SLC2A13: variants seen among roughly 807,000 people sequenced by gnomAD.
The protein encoded by SLC2A13 is proton myo-inositol cotransporter.
SLC2A13 carries 32 observed loss-of-function variants against 64.4 expected under a neutral mutation model. The ratio of observed to expected loss-of-function variants is 0.50; its 90% confidence interval spans 0.37 to 0.67. The LOEUF is 0.67. Ranked by LOEUF, SLC2A13 falls within the 30% of genes least tolerant of loss-of-function variation. The pLI is 0.00. For missense variants in SLC2A13, 743 were observed against 829.2 expected, an observed-to-expected ratio of 0.90 and a Z score of 1.28; for synonymous variants, 338 against 327.1, an observed-to-expected ratio of 1.03 and a Z score of -0.36.
At chr12:39,919,280 T>G (rs1432944944) in intron 4 of SLC2A13, among the ~76,000 whole-genome samples, 1 of 152,138 alleles carries the variant, frequency 6.6e-6, no homozygotes, top group Non-Finnish European at 1.5e-5. Context: ...GTGGTAAACA[T>G]TCTTCTTGGC....
intron 3 of SLC2A13, among the ~76,000 whole-genome samples, chr12:40,013,377 C>A (rs1436213640): frequency 1.3e-5 from 2 of 152,234 alleles, no homozygotes; most frequent in South Asian, 2.1e-4. Context: ...GTTCTCACAG[C>A]CTTACATATT....
intron 6 of SLC2A13, among the ~76,000 whole-genome samples, chr12:39,860,927 C>A (rs1943742811): frequency 6.6e-6 from 1 of 152,186 alleles, no homozygotes; most frequent in Non-Finnish European, 1.5e-5. Flanking sequence ...AGGCACACCC[C>A]TGCTTAAAAT....
chr12:39,943,607 A>G (rs1946079314), intron 4 of SLC2A13, among the ~76,000 whole-genome samples: 1 of 152,130 alleles, frequency 6.6e-6, no homozygotes, highest in Non-Finnish European at 1.5e-5. Flanking sequence ...CCCTCCGCCC[A>G]GCAAGCTCAA....
intron 6 of SLC2A13, among the ~76,000 whole-genome samples, chr12:39,856,251 A>C (rs1943604168): frequency 6.6e-6 from 1 of 152,156 alleles, no homozygotes; most frequent in Non-Finnish European, 1.5e-5. Context: ...CCATCCATCC[A>C]TCCATCCATT....
intron 4 of SLC2A13, 114 bp downstream of exon 4, chr12:39,951,143 A>G (rs763782542): frequency 6.7e-5 from 57 of 847,128 alleles, no homozygotes; most frequent in Non-Finnish European, 9.6e-5. Flanking sequence ...GAATTCATAC[A>G]TTTAATCAGA....
intron 6 of SLC2A13, among the ~76,000 whole-genome samples, chr12:39,838,330 G>A (rs1016184636): frequency 9.1e-5 from 12 of 131,814 alleles, no homozygotes; most frequent in African/African-American, 3.1e-4. Context: ...ATCACACTCT[G>A]GGGACTGTGG....
chr12:40,024,038 C>A (rs1051762570), intron 3 of SLC2A13, among the ~76,000 whole-genome samples: 1 of 152,236 alleles, frequency 6.6e-6, no homozygotes, highest in African/African-American at 2.4e-5. Context: ...TCTCTTCACT[C>A]AACTTTGAAG....
At chr12:39,974,379 C>G (rs1946725862) in intron 3 of SLC2A13, among the ~76,000 whole-genome samples, 6 of 152,096 alleles carry the variant, frequency 3.9e-5, no homozygotes, top group Non-Finnish European at 8.8e-5. Flanking sequence ...TGACCTCAAC[C>G]CATGTTCTTG....
intron 1 of SLC2A13, among the ~76,000 whole-genome samples, chr12:40,093,585 G>A (rs1168284968): frequency 1.3e-5 from 2 of 152,140 alleles, no homozygotes; most frequent in Non-Finnish European, 2.9e-5. Context: ...CTGGTGGTGG[G>A]AGCTGCAACT....
At chr12:40,095,217 TAAG>T (rs1215693916) in intron 1 of SLC2A13, among the ~76,000 whole-genome samples, 1 of 152,214 alleles carries the variant, frequency 6.6e-6, no homozygotes, top group Non-Finnish European at 1.5e-5. Context: ...TTCCATAGAA[TAAG>T]AAGTAAAATC....
Position 40,062,860 on chromosome 12 carries a change from T to C in SLC2A13, c.557-14650A>G, listed in dbSNP as rs933915803. Among the ~76,000 whole-genome samples, 8 of 152,252 alleles carry C rather than the reference T, an allele frequency of 5.3e-5. No individual in the cohort carries two copies. In the East Asian group the frequency reaches 1.3e-3, roughly 26 times the overall value. On this transcript the variant is annotated intron_variant, in intron 1 of 9. Coordinates refer to ENST00000280871, the MANE Select transcript of SLC2A13 (RefSeq NM_052885.4). ...CTGCTTTATCTATCTTTATGAGAAC[T>C]TGGTGATGGAAGAATAAGGAGCCAT...
chr12:39,808,045 T>C (rs1392895745), intron 7 of SLC2A13, among the ~76,000 whole-genome samples: 2 of 152,168 alleles, frequency 1.3e-5, no homozygotes, highest in East Asian at 3.8e-4. Flanking sequence ...GTTTTGACAA[T>C]GTATAAATCC....
At chr12:39,949,730 A>C (rs1380306656) in intron 4 of SLC2A13, 3 of 152,236 alleles carry the variant, frequency 2.0e-5, no homozygotes, top group Non-Finnish European at 4.4e-5. Context: ...CTTAGGAAAA[A>C]AAGCATAACA....
chr12:39,879,861 G>T (rs1944296795), intron 4 of SLC2A13, among the ~76,000 whole-genome samples: 2 of 152,162 alleles, frequency 1.3e-5, no homozygotes, highest in Admixed American at 6.5e-5. Flanking sequence ...GAGGTGGAAT[G>T]ATGTAGTTTG....
intron 4 of SLC2A13, among the ~76,000 whole-genome samples, chr12:39,940,736 T>C (rs1036342541): frequency 6.6e-6 from 1 of 152,072 alleles, no homozygotes; most frequent in African/African-American, 2.4e-5. Flanking sequence ...TTCTATACAT[T>C]ATTGGGGTAC....
chr12:39,969,298 C>T lies in SLC2A13; in HGVS notation c.926-17933G>A, dbSNP rs192325055. Among the ~76,000 whole-genome samples, 1,387 of 152,230 alleles carry T rather than the reference C, an allele frequency of 9.1e-3. 21 individuals carry two copies. Among genetic ancestry groups the T allele is most frequent in the African/African-American group, 0.032 (1,315 of 41,510 alleles). ...TCTTTATAGTAGCATGATTTATAATCCTTTGGGTATATACCCAGTAATGGG... is the reference window on the plus strand; with the variant it reads ...TCTTTATAGTAGCATGATTTATAATTCTTTGGGTATATACCCAGTAATGGG... On this transcript the variant is annotated intron_variant, in intron 3 of 9. Coordinates refer to ENST00000280871, the MANE Select transcript of SLC2A13 (RefSeq NM_052885.4).
At chr12:40,030,906 G>T (rs1038641113) in intron 2 of SLC2A13, among the ~76,000 whole-genome samples, 1 of 152,136 alleles carries the variant, frequency 6.6e-6, no homozygotes, top group Non-Finnish European at 1.5e-5. Context: ...TTGCCCTAAC[G>T]TGTGGAAAAG....
At chr12:39,820,981 G>A (rs12367004) in intron 7 of SLC2A13, among the ~76,000 whole-genome samples, 27 of 151,790 alleles carry the variant, frequency 1.8e-4, no homozygotes, top group African/African-American at 6.5e-4. Context: ...TCCTACTGCA[G>A]TGTTCCCCAA....
intron 4 of SLC2A13, among the ~76,000 whole-genome samples, chr12:39,919,069 C>G (rs1216215684): frequency 6.6e-6 from 1 of 151,674 alleles, no homozygotes; most frequent in African/African-American, 2.4e-5. Flanking sequence ...CCACCTCCGT[C>G]TACTGGGCTC....
Sources: gnomAD v4.1 joint callset for allele counts (sites outside exome capture counted in the v4.1 genomes callset) on GRCh38, gnomAD v4.1.1 for gene constraint, MANE v1.5 for transcripts, NCBI Gene and HGNC (gene_info 2026-07-23, HGNC 2026-07-21) for gene names.